TANC1: variants seen among roughly 807,000 people sequenced by gnomAD.
TANC1 encodes tetratricopeptide repeat, ankyrin repeat and coiled-coil containing 1.
In TANC1, 77 loss-of-function variants were observed where a neutral mutation model predicts 149.7. The ratio of observed to expected loss-of-function variants is 0.51; its 90% CI spans 0.43 to 0.62. The LOEUF (loss-of-function observed/expected upper bound fraction) is 0.62, where lower values mean the gene tolerates loss of function less well. Ranked by LOEUF, TANC1 falls within the 20% of genes least tolerant of loss-of-function variation. The pLI is 0.00. For missense variants in TANC1, 1,985 were observed against 2,321.8 expected, an observed-to-expected ratio of 0.85 and a Z score of 2.98; for synonymous variants, 854 against 925.0, an observed-to-expected ratio of 0.92 and a Z score of 1.39.
intron 19 of TANC1, among the ~76,000 whole-genome samples, chr2:159,213,419 C>T (rs1414500014): frequency 4.0e-5 from 6 of 151,584 alleles, no homozygotes; most frequent in African/African-American, 1.2e-4. Context: ...GTATGGGAAC[C>T]CCCCCACCTC....
intron 7 of TANC1, among the ~76,000 whole-genome samples, chr2:159,153,862 A>G (rs1213845110): frequency 6.6e-6 from 1 of 152,128 alleles, no homozygotes; most frequent in Non-Finnish European, 1.5e-5. Flanking sequence ...GCTTTTGGGC[A>G]TTGTAAGTGT....
At chr2:159,054,954 TAAC>T (rs1299271659) in intron 2 of TANC1, among the ~76,000 whole-genome samples, 1 of 152,212 alleles carries the variant, frequency 6.6e-6, no homozygotes, top group Non-Finnish European at 1.5e-5. Flanking sequence ...CTTGGTGAAA[TAAC>T]AACTTGTCCA....
At chr2:159,186,386 C>T (rs574107719) in intron 15 of TANC1, among the ~76,000 whole-genome samples, 4 of 152,290 alleles carry the variant, frequency 2.6e-5, no homozygotes, top group Admixed American at 1.3e-4. Flanking sequence ...ACTATAGGCA[C>T]GCTCCACCTT....
chr2:159,181,520 A>G (rs902839897), intron 14 of TANC1, among the ~76,000 whole-genome samples: 3 of 151,986 alleles, frequency 2.0e-5, no homozygotes, highest in Admixed American at 2.0e-4. Context: ...GATGGTCTCA[A>G]TCTCCTGACC....
At chr2:159,058,458 A>C in intron 2 of TANC1, among the ~76,000 whole-genome samples, 1 of 77,472 alleles carries the variant, frequency 1.3e-5, no homozygotes, top group South Asian at 4.3e-4. Flanking sequence ...CACTCATTTA[A>C]AGACTTTTTT....
intron 22 of TANC1, among the ~76,000 whole-genome samples, chr2:159,223,010 ATTC>A (rs1164931822): frequency 6.6e-6 from 1 of 152,194 alleles, no homozygotes; most frequent in Non-Finnish European, 1.5e-5. Context: ...GGTTCAAGCG[ATTC>A]TCCTGCCTCA....
chr2:158,995,643 T>C (rs1254298446), intron 1 of TANC1, among the ~76,000 whole-genome samples: 1 of 152,230 alleles, frequency 6.6e-6, no homozygotes, highest in Non-Finnish European at 1.5e-5. Context: ...GGCAGTCTTA[T>C]ACCTGTCTCC....
chr2:159,168,918 GT>G (rs1244077576), intron 8 of TANC1, among the ~76,000 whole-genome samples: 1 of 152,038 alleles, frequency 6.6e-6, no homozygotes, highest in African/African-American at 2.4e-5. Context: ...TGCTTGTGGT[GT>G]TAAGTACTGA....
At chr2:158,995,968 A>G (rs963514412) in intron 1 of TANC1, among the ~76,000 whole-genome samples, 1 of 151,890 alleles carries the variant, frequency 6.6e-6, no homozygotes, top group African/African-American at 2.4e-5. Context: ...CAGATCCAAC[A>G]CTCTGTCTTG....
At chr2:158,991,484 T>G (rs1389001274) in intron 1 of TANC1, among the ~76,000 whole-genome samples, 3 of 151,974 alleles carry the variant, frequency 2.0e-5, no homozygotes, top group African/African-American at 7.2e-5. Flanking sequence ...CTGGGGAGGG[T>G]GGCTCACGTC....
chr2:159,229,520 T>TAC, intron 26 of TANC1, 58 bp from the exon 27 acceptor site: 1 of 1,355,708 alleles, frequency 7.4e-7, no homozygotes. Context: ...TATGAACAGT[T>TAC]ACACTCTGAG....
chr2:159,070,389 C>A (rs2043044923), intron 3 of TANC1, among the ~76,000 whole-genome samples: 1 of 152,142 alleles, frequency 6.6e-6, no homozygotes, highest in Non-Finnish European at 1.5e-5. Flanking sequence ...GCATTTGTTA[C>A]AACTGATGAA....
chr2:159,049,649 C>A (rs1377857754), intron 2 of TANC1, among the ~76,000 whole-genome samples: 1 of 152,036 alleles, frequency 6.6e-6, no homozygotes, highest in Non-Finnish European at 1.5e-5. Context: ...GTGGTGGAAG[C>A]GAATGGAGGG....
intron 8 of TANC1, among the ~76,000 whole-genome samples, chr2:159,168,333 T>C (rs951683575): frequency 6.9e-6 from 1 of 145,876 alleles, no homozygotes; most frequent in African/African-American, 2.5e-5. Flanking sequence ...AGAGTTTTGC[T>C]CTGTCACCCA....
chr2:158,993,106 G>A (rs1037346042), intron 1 of TANC1, among the ~76,000 whole-genome samples: 4 of 152,152 alleles, frequency 2.6e-5, no homozygotes, highest in East Asian at 3.9e-4. Context: ...TTATAACAGC[G>A]TTTTAAGGTG....
chr2:159,062,867 T>C (rs2042338816), intron 2 of TANC1, among the ~76,000 whole-genome samples: 1 of 148,744 alleles, frequency 6.7e-6, no homozygotes, highest in South Asian at 2.1e-4. Context: ...CTCAGGAGGC[T>C]GAGGCAGGAG....
chr2:159,093,386 A>G (rs1173846613), intron 3 of TANC1, among the ~76,000 whole-genome samples: 3 of 152,200 alleles, frequency 2.0e-5, no homozygotes, highest in Non-Finnish European at 4.4e-5. Context: ...TGTTACATCT[A>G]CTGGAGAATC....
chr2:159,226,288 C>T (rs2060022046), intron 24 of TANC1: 1 of 167,954 alleles, frequency 6.0e-6, no homozygotes, highest in Admixed American at 6.3e-5. Flanking sequence ...GTCTGAGAGC[C>T]ATTATTTCTG....
At chr2:159,009,508 C>T (rs752684213) in intron 2 of TANC1, among the ~76,000 whole-genome samples, 1 of 152,118 alleles carries the variant, frequency 6.6e-6, no homozygotes, top group Non-Finnish European at 1.5e-5. Context: ...AAGATAAATA[C>T]CGCATGGTCT....
Sources: allele counts gnomAD v4.1 joint callset (sites outside exome capture counted in the v4.1 genomes callset), GRCh38; gene constraint gnomAD v4.1.1; transcripts MANE v1.5; gene names NCBI Gene and HGNC (gene_info 2026-07-23, HGNC 2026-07-21).